Variants in BUD23 observed in about 807,000 individuals in gnomAD.
The protein encoded by BUD23 is BUD23 rRNA methyltransferase and ribosome maturation factor, also known as 18S rRNA (guanine-N(7))-methyltransferase.
A neutral mutation model predicts 47.0 loss-of-function variants in BUD23; 34 were observed. The observed-to-expected ratio is 0.72, with a 90% confidence interval of 0.55 to 0.96. The LOEUF is 0.96. Among genes scored for constraint, BUD23 ranks in the 40% least tolerant of loss-of-function variants. BUD23 has a pLI of 0.00. For synonymous variants in BUD23, 124 were observed against 132.0 expected, an observed-to-expected ratio of 0.94 and a Z score of 0.41; for missense variants, 343 against 361.2, an observed-to-expected ratio of 0.95 and a Z score of 0.41.
chr7:73,688,518 C>A (rs1015362615), intron 5 of BUD23, among the ~76,000 whole-genome samples: 2 of 152,228 alleles, frequency 1.3e-5, no homozygotes, highest in African/African-American at 2.4e-5. Context: ...GCCCCAGCAG[C>A]CATCTTACTT....
At position 73,690,766 on chromosome 7, in the gene BUD23, C is replaced by T. The variant is rs1798160342; in HGVS notation, c.363-150C>T. ...GATTACAGGGCGTTGAACCACTGTA[C>T]GTGGCCTCAACCTGCACTTTCTAAG... On this transcript the variant is annotated intron_variant, in intron 5 of 11. Transcript: ENST00000265758. The T allele has an allele frequency of 3.3e-5, 21 of 634,884 alleles. No individual in the cohort carries two copies. In the South Asian group the frequency reaches 3.8e-4, roughly 12 times the overall value. 39.3% of individuals were successfully genotyped at this position (634,884 alleles called of 1,614,324 possible). A position where few individuals can be genotyped will look rare whatever the true frequency, so the allele number is the denominator to read the frequency against.
intron 10 of BUD23, chr7:73,694,438 C>G (rs1183147439): frequency 4.9e-5 from 9 of 183,250 alleles, no homozygotes; most frequent in African/African-American, 2.1e-4. Flanking sequence ...TGTCGGCACA[C>G]AGACATGCTG....
Position 73,693,603 on chromosome 7 carries a change from CTT to C in BUD23, c.597-19_597-18del. The C allele has an allele frequency of 6.2e-7, 1 of 1,614,206 alleles. No individual in the cohort carries two copies. Among genetic ancestry groups the C allele is most frequent in the Non-Finnish European group, 8.5e-7 (1 of 1,180,012 alleles). ...TGGGGCTTTCTCCACCCAACCCTCA[CTT>C]TGCACTTTCTCCTTTCAGATTCTAC... is the stretch of plus-strand genomic sequence containing the variant. On this transcript the variant is annotated intron_variant, in intron 8 of 11. Coordinates refer to ENST00000265758, the MANE Select transcript of BUD23 (RefSeq NM_017528.5).
chr7:73,690,655 A>G (rs2116689099), intron 5 of BUD23, among the ~76,000 whole-genome samples: 1 of 152,152 alleles, frequency 6.6e-6, no homozygotes, highest in Middle Eastern at 3.4e-3. Context: ...AAATACTTTA[A>G]GTAAAGATGG....
chr7:73,693,485 C>T (rs1798271683), intron 8 of BUD23, 71 bp downstream of exon 8: 15 of 1,602,472 alleles, frequency 9.4e-6, no homozygotes, highest in Middle Eastern at 1.7e-4. Flanking sequence ...TTTCAGGCCA[C>T]TCAGTGGTGC....
chr7:73,684,297 T>C (rs1554612408), intron 2 of BUD23, among the ~76,000 whole-genome samples: 1 of 151,866 alleles, frequency 6.6e-6, no homozygotes. Flanking sequence ...TCGCAGCACT[T>C]TGGGAGGCTG....
chr7:73,695,353 G>C (rs1364121256), intron 10 of BUD23: 1 of 151,908 alleles, frequency 6.6e-6, no homozygotes, highest in Non-Finnish European at 1.5e-5. Flanking sequence ...TGCCTCCCAG[G>C]TTCCAGCGAT....
intron 10 of BUD23, chr7:73,697,269 ATG>A: frequency 1.6e-6 from 1 of 610,176 alleles, no homozygotes. Flanking sequence ...CTAGGTGATG[ATG>A]TGTCATTGCA....
In BUD23 at chr7:73,697,841, A is replaced by G. The variant is rs1584233598; in HGVS notation, c.801A>G (p.Arg267=). The G allele has an allele frequency of 6.2e-7, 1 of 1,613,728 alleles. No individual in the cohort carries two copies. The highest frequency in any genetic ancestry group is 8.5e-7 in the Non-Finnish European group (1 of 1,179,950). ...TTCCTTTTCTGCACAGGGAAGTCAG[A>G]CCTGACACCCAGTACACCGGCCGCA... ...ERHRRQGREV[R]PDTQYTGRKR... The change falls in exon 12 of 12, where the codon AGA becomes AGG. Residue 267 remains arginine (R), a synonymous_variant. Transcript: ENST00000265758.
At chr7:73,684,617 A>AAAGG (rs1554612517) in intron 2 of BUD23, among the ~76,000 whole-genome samples, 4 of 86,578 alleles carry the variant, frequency 4.6e-5, no homozygotes, top group Non-Finnish European at 8.6e-5. Flanking sequence ...AAAAAAAAAA[A>AAAGG]GGGGGGGGGA....
chr7:73,693,529 A>G, intron 8 of BUD23, 95 bp from the exon 9 acceptor site: 1 of 1,590,232 alleles, frequency 6.3e-7, no homozygotes, highest in Admixed American at 1.7e-5. Flanking sequence ...ACCAGGGTCC[A>G]GGCAGGCGGA....
rs781981931 is a variant in BUD23 at position 73,687,014 on chromosome 7, G to A, written c.281G>A (p.Arg94Gln). 5.6e-6 allele frequency: 9 copies of A among 1,614,168 alleles called. No individual in the cohort carries two copies. The highest frequency in any genetic ancestry group is 5.0e-5 in the Admixed American group (3 of 60,018). The change falls in exon 5 of 12, where the codon CGA becomes CAA. Residue 94 changes from arginine to glutamine, a missense_variant. Arg to Gln is a conservative substitution (Grantham distance 43). Transcript: ENST00000265758. ...TCTAATGTAGATGAGGCTGTGGACCGAGAGATAGAGGGAGACCTGCTGCTG... is the reference window on the plus strand; with the variant it reads ...TCTAATGTAGATGAGGCTGTGGACCAAGAGATAGAGGGAGACCTGCTGCTG... The part of the protein sequence containing the change: ...SPAMLDEAVD[R>Q]EIEGDLLLGD...
At chr7:73,684,373 T>C (rs1554612430) in intron 2 of BUD23, among the ~76,000 whole-genome samples, 1 of 150,734 alleles carries the variant, frequency 6.6e-6, no homozygotes, top group Non-Finnish European at 1.5e-5. Context: ...AGCCCCCGTC[T>C]CCGCAAGTAA....
At chr7:73,691,774 C>CTTT (rs797038888) in intron 6 of BUD23, among the ~76,000 whole-genome samples, 5 of 145,604 alleles carry the variant, frequency 3.4e-5, no homozygotes, top group Admixed American at 6.9e-5. Flanking sequence ...TAATTTTTTA[C>CTTT]TTTTTTTTTT....
At chr7:73,690,641 T>C (rs1798154033) in intron 5 of BUD23, among the ~76,000 whole-genome samples, 2 of 152,168 alleles carry the variant, frequency 1.3e-5, no homozygotes, top group African/African-American at 4.8e-5. Context: ...ATTTTTAAAT[T>C]TAAAAATACT....
intron 7 of BUD23, 185 bp from the exon 8 acceptor site, chr7:73,693,144 C>G (rs1433939751): frequency 4.8e-6 from 3 of 622,492 alleles, no homozygotes; most frequent in Non-Finnish European, 8.7e-6. Flanking sequence ...TGTAATTCTC[C>G]TGAGGGAGGT....
chr7:73,688,441 T>A (rs1356426786), intron 5 of BUD23, among the ~76,000 whole-genome samples: 8 of 152,238 alleles, frequency 5.3e-5, no homozygotes, highest in Non-Finnish European at 1.0e-4. Flanking sequence ...TTTGTGTGTC[T>A]GGTGGGGCAG....
At chr7:73,689,257 C>T (rs1175764623) in intron 5 of BUD23, among the ~76,000 whole-genome samples, 5 of 152,062 alleles carry the variant, frequency 3.3e-5, no homozygotes, top group African/African-American at 1.2e-4. Context: ...CCATGTTGGC[C>T]AGGCTGGTCT....
At position 73,683,795 on chromosome 7, in the gene BUD23, AC is replaced by A; in HGVS notation, c.78del (p.Tyr26Ter). The A allele has an allele frequency of 2.5e-6, 4 of 1,614,130 alleles. No individual in the cohort carries two copies. Among genetic ancestry groups the A allele is most frequent in the Middle Eastern group, 1.6e-4 (1 of 6,062 alleles). ...LFYDETEARK[Y>X]VRNSRMIDIQ... Reference sequence around the variant, plus strand: ...TATGACGAGACAGAAGCCCGGAAATACGTTCGCAAGTGAGGGGAGCCTGAAT... The same window carrying A: ...TATGACGAGACAGAAGCCCGGAAATAGTTCGCAAGTGAGGGGAGCCTGAAT... On this transcript the variant is annotated frameshift_variant, in exon 2 of 12. Transcript: ENST00000265758. LOFTEE classifies it high-confidence loss of function.
Sources: allele counts gnomAD v4.1 joint callset (sites outside exome capture counted in the v4.1 genomes callset), GRCh38; gene constraint gnomAD v4.1.1; transcripts MANE v1.5; gene names NCBI Gene and HGNC (gene_info 2026-07-23, HGNC 2026-07-21).